FGGY: variants seen among roughly 807,000 people sequenced by gnomAD.
FGGY encodes the protein FGGY carbohydrate kinase domain containing.
Under a neutral mutation model 71.3 loss-of-function variants are expected in FGGY, and 72 were observed. The observed-to-expected ratio is 1.01, with a 90% CI of 0.84 to 1.23. FGGY has a LOEUF of 1.23. Among genes scored for constraint, FGGY ranks in the 50% most tolerant of loss-of-function variants. The pLI is 0.00. For synonymous variants in FGGY, 251 were observed against 250.3 expected (o/e 1.00, Z -0.02); for missense variants, 668 against 682.3 (o/e 0.98, Z 0.23).
chr1:59,739,469 T>G lies in FGGY; in HGVS notation c.1513-18462T>G, dbSNP rs1206694109. ...TCTCCCAAGCGCAGAAACTGGGTAG[T>G]GAGGGGTGCAGGGGTATGGGGAGAA... On this transcript the variant is annotated intron_variant, in intron 14 of 15. Transcript: ENST00000303721. Among the ~76,000 whole-genome samples, 3 of 152,242 alleles carry G rather than the reference T, an allele frequency of 2.0e-5. No homozygotes were observed. The East Asian group carries it at 5.8e-4, about 29-fold the overall frequency.
At chr1:59,420,281 A>G (rs1298947064) in intron 5 of FGGY, among the ~76,000 whole-genome samples, 2 of 152,184 alleles carry the variant, frequency 1.3e-5, no homozygotes, top group African/African-American at 4.8e-5. Context: ...GGCTGGATCA[A>G]TGTCCAGAGG....
At chr1:59,456,895 T>C in intron 5 of FGGY, 66 bp from the exon 6 acceptor site, 1 of 1,151,240 alleles carries the variant, frequency 8.7e-7, no homozygotes, top group South Asian at 1.3e-5. Context: ...GACGGGTATT[T>C]TGCAAAATAT....
intron 14 of FGGY, among the ~76,000 whole-genome samples, chr1:59,711,674 A>T (rs2097795387): frequency 6.6e-6 from 1 of 152,236 alleles, no homozygotes; most frequent in Non-Finnish European, 1.5e-5. Flanking sequence ...CACATCTTAC[A>T]TGAATGACGG....
intron 10 of FGGY, among the ~76,000 whole-genome samples, chr1:59,631,880 T>C (rs945597195): frequency 2.0e-5 from 3 of 152,230 alleles, no homozygotes; most frequent in Admixed American, 6.5e-5. Flanking sequence ...TTTCACTCTT[T>C]AGCAGAGATC....
chr1:59,619,665 TG>T (rs1451260624), intron 9 of FGGY, among the ~76,000 whole-genome samples: 2 of 151,704 alleles, frequency 1.3e-5, no homozygotes, highest in African/African-American at 4.8e-5. Flanking sequence ...TTCAGAGAGG[TG>T]ATAGGGTCTA....
At chr1:59,609,996 C>T (rs1354653962) in intron 9 of FGGY, among the ~76,000 whole-genome samples, 1 of 152,240 alleles carries the variant, frequency 6.6e-6, no homozygotes, top group Non-Finnish European at 1.5e-5. Flanking sequence ...AAGACATCAT[C>T]TATGGCTACA....
intron 5 of FGGY, among the ~76,000 whole-genome samples, chr1:59,388,638 A>G (rs1435677086): frequency 6.6e-6 from 1 of 152,078 alleles, no homozygotes; most frequent in Non-Finnish European, 1.5e-5. Flanking sequence ...ATAAGAGTTG[A>G]TTTTTTTAGA....
chr1:59,735,615 A>G (rs1489733399), intron 14 of FGGY, among the ~76,000 whole-genome samples: 1 of 152,102 alleles, frequency 6.6e-6, no homozygotes, highest in Non-Finnish European at 1.5e-5. Context: ...GGCAGCTATG[A>G]CTCCTGTTTT....
intron 8 of FGGY, among the ~76,000 whole-genome samples, chr1:59,596,199 T>C (rs2096522031): frequency 6.6e-6 from 1 of 152,122 alleles, no homozygotes; most frequent in Admixed American, 6.5e-5. Flanking sequence ...GTGTTTTCTT[T>C]TTTTTTTAAC....
chr1:59,350,118 A>G (rs1384160810), intron 4 of FGGY, among the ~76,000 whole-genome samples: 2 of 152,144 alleles, frequency 1.3e-5, no homozygotes, highest in Non-Finnish European at 2.9e-5. Flanking sequence ...GTATAAAAGC[A>G]TGAGATTCTG....
intron 9 of FGGY, among the ~76,000 whole-genome samples, chr1:59,612,259 A>C (rs1043745788): frequency 6.6e-6 from 1 of 152,260 alleles, no homozygotes; most frequent in African/African-American, 2.4e-5. Flanking sequence ...AGGTTGGGTT[A>C]CCCACAAAAG....
intron 1 of FGGY, among the ~76,000 whole-genome samples, chr1:59,308,923 C>G (rs2043839651): frequency 1.3e-5 from 2 of 152,036 alleles, no homozygotes; most frequent in South Asian, 4.1e-4. Flanking sequence ...ACTGATGTAT[C>G]AATTTTAGAA....
At chr1:59,637,039 T>C (rs1039857135) in intron 10 of FGGY, among the ~76,000 whole-genome samples, 3 of 152,228 alleles carry the variant, frequency 2.0e-5, no homozygotes, top group African/African-American at 7.2e-5. Context: ...TCAGAACTTT[T>C]AGAAAGCAGC....
chr1:59,351,966 C>G (rs1024080258), intron 4 of FGGY, among the ~76,000 whole-genome samples: 1 of 152,128 alleles, frequency 6.6e-6, no homozygotes, highest in African/African-American at 2.4e-5. Flanking sequence ...GGATCCTAGT[C>G]CTGCAAATAT....
chr1:59,738,674 C>G (rs1255247785), intron 14 of FGGY, among the ~76,000 whole-genome samples: 1 of 152,230 alleles, frequency 6.6e-6, no homozygotes, highest in East Asian at 1.9e-4. Flanking sequence ...AATCAAAGTA[C>G]TAGGACCAGA....
intron 6 of FGGY, among the ~76,000 whole-genome samples, chr1:59,465,522 G>T (rs1031731247): frequency 8.5e-5 from 13 of 152,194 alleles, no homozygotes; most frequent in African/African-American, 2.9e-4. Context: ...TCAGGCAAGA[G>T]AAAGAAATAA....
intron 6 of FGGY, among the ~76,000 whole-genome samples, chr1:59,511,654 C>A (rs2153630223): frequency 6.6e-6 from 1 of 152,274 alleles, no homozygotes; most frequent in South Asian, 2.1e-4. Flanking sequence ...AATTCAAGGT[C>A]ACTTGAAAAA....
At chr1:59,745,452 C>T (rs951018414) in intron 14 of FGGY, among the ~76,000 whole-genome samples, 3 of 152,182 alleles carry the variant, frequency 2.0e-5, no homozygotes, top group African/African-American at 7.2e-5. Context: ...CATTTTGATT[C>T]TTTGCTGTCG....
chr1:59,355,040 G>T (rs1474644849), intron 4 of FGGY, among the ~76,000 whole-genome samples: 1 of 152,250 alleles, frequency 6.6e-6, no homozygotes, highest in African/African-American at 2.4e-5. Context: ...AAAGGCTGCT[G>T]CATGCAGCCT....
Sources: gnomAD v4.1 joint callset for allele counts (sites outside exome capture counted in the v4.1 genomes callset) on GRCh38, gnomAD v4.1.1 for gene constraint, MANE v1.5 for transcripts, NCBI Gene and HGNC (gene_info 2026-07-23, HGNC 2026-07-21) for gene names.